PTX4: variants seen among roughly 807,000 people sequenced by gnomAD.
PTX4 encodes pentraxin-4.
A neutral mutation model predicts 19.1 loss-of-function variants in PTX4; 23 were observed. The observed-to-expected ratio is 1.20, with a 90% CI of 0.87 to 1.70. The LOEUF is 1.70. Among genes scored for constraint, PTX4 ranks in the 40% most tolerant of loss-of-function variants. PTX4 has a pLI of 0.00. For missense variants in PTX4, 678 were observed against 610.5 expected, an observed-to-expected ratio of 1.11 and a Z score of -1.17; for synonymous variants, 317 against 279.6, an observed-to-expected ratio of 1.13 and a Z score of -1.33.
intron 1 of PTX4, 176 bp downstream of exon 1, chr16:1,488,593 A>C: frequency 2.5e-6 from 2 of 807,656 alleles, no homozygotes; most frequent in Non-Finnish European, 4.0e-6. Context: ...AGCCCAGCTC[A>C]GCTCTTCCCT....
chr16:1,488,786 G>A lies in PTX4; in HGVS notation c.124C>T (p.Arg42Cys), dbSNP rs754269575. The change falls in exon 1 of 3, where the codon CGT (arginine) becomes TGT (cysteine). Residue 42 changes from arginine (R) to cysteine (C), a missense_variant. Physicochemically the swap from Arg to Cys is radical, Grantham distance 180. Transcript: ENST00000447419. Reference sequence around the variant, plus strand: ...TAACTTGCCTGTTCCTCCAGCCTACGGAGCCTCTCGAAAAACGGTTTCCTG... The same window carrying A: ...TAACTTGCCTGTTCCTCCAGCCTACAGAGCCTCTCGAAAAACGGTTTCCTG... The part of the protein sequence containing the change: ...GPRKPFFERL[R>C]RLEEQFRRFQ... 72 of 701,702 alleles carry A rather than the reference G, an allele frequency of 1.0e-4. No individual in the cohort carries two copies. The highest frequency in any genetic ancestry group is 1.6e-4 in the Non-Finnish European group (60 of 384,170). 43.5% of individuals were successfully genotyped at this position (701,702 alleles called of 1,614,324 possible).
rs765572645 is a variant in PTX4, at chr16:1,488,836, G to A, written c.74C>T (p.Ser25Leu). 64 of 702,560 alleles carry A rather than the reference G, an allele frequency of 9.1e-5. No homozygotes were observed. Among genetic ancestry groups the A allele is most frequent in the South Asian group, 9.0e-4 (61 of 67,578 alleles). The allele number at this position is 702,560 out of a possible 1,614,324, so 43.5% of individuals were successfully genotyped here. A position where few individuals can be genotyped will look rare whatever the true frequency, so the allele number is the denominator to read the frequency against. Residue 25 changes from serine to leucine, a missense_variant, in exon 1 of 3, where the codon TCG becomes TTG. Physicochemically the swap from Ser to Leu is moderately radical, Grantham distance 145 (BLOSUM62 -2). Transcript: ENST00000447419. ...GGGCCCCACTGGGGCGGCTTCCTGC[G>A]ATGAAGCCCCATGTAGATATATAGG... ...FVPIYLHGAS[S>L]QEAAPVGPRK...
At chr16:1,487,253 G>A in intron 2 of PTX4, 63 bp downstream of exon 2, 1 of 1,402,288 alleles carries the variant, frequency 7.1e-7, no homozygotes, top group South Asian at 1.6e-5. Flanking sequence ...TTTTCCAGGG[G>A]GCCTGGTCTA....
At position 1,487,689 on chromosome 16, in the gene PTX4, C is replaced by G; in HGVS notation, c.423G>C (p.Lys141Asn). 6.2e-7 allele frequency: 1 copy of G among 1,610,360 alleles called. No individual in the cohort carries two copies. Among genetic ancestry groups the G allele is most frequent in the South Asian group, 1.1e-5 (1 of 90,830 alleles). ...ERSQQRARER[K>N]AHKAQRDALQ... is the part of the protein sequence containing the mutation. The stretch of plus-strand genomic sequence containing the variant: ...GGGCGTCCCTCTGGGCCTTGTGTGC[C>G]TTCCTTTCCCGGGCCCGCTGCTGGC... The change falls in exon 2 of 3, where the codon AAG becomes AAC. Residue 141 changes from lysine (K) to asparagine (N), a missense_variant. Lys to Asn is a moderately conservative substitution (Grantham distance 94, BLOSUM62 0). Coordinates refer to ENST00000447419, the MANE Select transcript of PTX4 (RefSeq NM_001328608.2).
At position 1,487,858 on chromosome 16, in the gene PTX4, G is replaced by A; in HGVS notation, c.254C>T (p.Ala85Val). ...TGACCGGTTGACTGCCTGAGCCACA[G>A]CCTGGCTCTCTTCCGCCAGGCTCCG... is the stretch of plus-strand genomic sequence containing the variant. ...RFRSLAEESQ[A>V]VAQAVNRSQA... is the part of the protein sequence containing the mutation. Residue 85 changes from alanine (A) to valine (V), a missense_variant, in exon 2 of 3, where the codon GCT (alanine) becomes GTT (valine). By Grantham distance (64) the Ala-to-Val change is moderately conservative. Coordinates refer to ENST00000447419, the MANE Select transcript of PTX4 (RefSeq NM_001328608.2). 6.2e-7 allele frequency: 1 copy of A among 1,613,122 alleles called. No homozygotes were observed. Among genetic ancestry groups the A allele is most frequent in the Non-Finnish European group, 8.5e-7 (1 of 1,179,926 alleles).
rs376970916 is a variant in PTX4, at chr16:1,488,080, C to T, written c.142-110G>A. 40 of 1,186,848 alleles carry T rather than the reference C, an allele frequency of 3.4e-5. No homozygotes were observed. In the East Asian group the frequency reaches 3.8e-4, roughly 11 times the overall value. The allele number at this position is 1,186,848 out of a possible 1,614,324, so 73.5% of individuals were successfully genotyped here. A position where few individuals can be genotyped will look rare whatever the true frequency, so the allele number is the denominator to read the frequency against. ...GAGCAGCGGCCGCGTGCCCGGGCCA[C>T]GGCCAGCACTGGCTATCTGCCCACC... On this transcript the variant is annotated intron_variant, in intron 1 of 2. Transcript: ENST00000447419.
Position 1,485,970 on chromosome 16 carries a change from G to T in PTX4, c.1406C>A (p.Ala469Asp), listed in dbSNP as rs1351592880. The change falls in exon 3 of 3, where the codon GCC becomes GAC. Residue 469 changes from alanine to aspartate, a missense_variant. Coordinates refer to ENST00000447419, the MANE Select transcript of PTX4 (RefSeq NM_001328608.2). ...AALAGGFVQGANCTCLERCP is the reference protein window; with the variant it reads ...AALAGGFVQGDNCTCLERCP ...ACAGCGTTCCAGGCAGGTGCAGTTG[G>T]CCCCCTGCACAAATCCGCCTGCTAG... is the stretch of plus-strand genomic sequence containing the variant. The T allele has an allele frequency of 1.2e-6, 2 of 1,609,746 alleles. No individual in the cohort carries two copies. Among genetic ancestry groups the T allele is most frequent in the Non-Finnish European group, 1.7e-6 (2 of 1,179,298 alleles).
chr16:1,486,733 G>C (rs1360327804), intron 2 of PTX4, among the ~76,000 whole-genome samples, 154 bp from the exon 3 acceptor site: 1 of 152,230 alleles, frequency 6.6e-6, no homozygotes, highest in Non-Finnish European at 1.5e-5. Flanking sequence ...CTCCCCTGCA[G>C]CGTCTCCTTC....
Position 1,486,487 on chromosome 16 carries a change from G to A in PTX4, c.889C>T (p.Leu297=), listed in dbSNP as rs758357888. 8 of 1,611,690 alleles carry A rather than the reference G, an allele frequency of 5.0e-6. No homozygotes were observed. The highest frequency in any genetic ancestry group is 5.9e-6 in the Non-Finnish European group (7 of 1,179,000). Reference sequence around the variant, plus strand: ...GTGCGGACCCAGCTGCAGAAGGACAGGGCTCGCAGGGCAGTGACGAAACCA... The same window carrying A: ...GTGCGGACCCAGCTGCAGAAGGACAAGGCTCGCAGGGCAGTGACGAAACCA... ...SPGFVTALRA[L]SFCSWVRTAS... The change falls in exon 3 of 3, where the codon CTG becomes TTG. Residue 297 remains leucine, a synonymous_variant. Coordinates refer to ENST00000447419, the MANE Select transcript of PTX4 (RefSeq NM_001328608.2).
chr16:1,487,683 G>C lies in PTX4; in HGVS notation c.429C>G (p.His143Gln), dbSNP rs2039259914. The change falls in exon 2 of 3, where the codon CAC (histidine) becomes CAG (glutamine). Residue 143 changes from histidine to glutamine, a missense_variant. Coordinates refer to ENST00000447419, the MANE Select transcript of PTX4 (RefSeq NM_001328608.2). ...CCTGCAGGGCGTCCCTCTGGGCCTT[G>C]TGTGCCTTCCTTTCCCGGGCCCGCT... The part of the protein sequence containing the change: ...SQQRARERKA[H>Q]KAQRDALQDS... 2 of 1,609,556 alleles carry C rather than the reference G, an allele frequency of 1.2e-6. No individual in the cohort carries two copies. The highest frequency in any genetic ancestry group is 2.7e-5 in the African/African-American group (2 of 74,872).
Position 1,487,330 on chromosome 16 carries a change from T to TG in PTX4, c.781dup (p.Gln261ProfsTer62). 1.9e-6 allele frequency: 3 copies of TG among 1,548,974 alleles called. No homozygotes were observed. The highest frequency in any genetic ancestry group is 2.1e-5 in the Admixed American group (1 of 48,084). On this transcript the variant is annotated frameshift_variant, in exon 2 of 3. Coordinates refer to ENST00000447419, the MANE Select transcript of PTX4 (RefSeq NM_001328608.2). LOFTEE classifies it low-confidence loss of function (END_TRUNC). ...GTGGTACTTACTCTCTCCTGGCACC[T>TG]GGGGGGACCATGCCTGCTGCCGAGG...
At chr16:1,487,239 A>C in intron 2 of PTX4, 77 bp downstream of exon 2, 1 of 1,360,590 alleles carries the variant, frequency 7.3e-7, no homozygotes, top group South Asian at 1.7e-5. Context: ...TCTTTTGAGA[A>C]GCCTTTTCCA....
Position 1,486,548 on chromosome 16 carries a change from T to A in PTX4, c.828A>T (p.Pro276=). Residue 276 remains proline (P), a synonymous_variant, in exon 3 of 3, where the codon CCA becomes CCT. Coordinates refer to ENST00000447419, the MANE Select transcript of PTX4 (RefSeq NM_001328608.2). ...ICGVGPTLVF[P]NASTRNVVFL... is the part of the protein sequence containing the mutation. ...AGACCACGTTCCTGGTGGAGGCGTT[T>A]GGGAAAACGAGGGTGGGGCCCACGC... 6.4e-7 allele frequency: 1 copy of A among 1,561,020 alleles called. No individual in the cohort carries two copies. The highest frequency in any genetic ancestry group is 8.7e-7 in the Non-Finnish European group (1 of 1,155,704).
In PTX4 at chr16:1,486,227, C is replaced by T. The variant is rs1379329224; in HGVS notation, c.1149G>A (p.Val383=). ...CCTCCCTGAAGCGGGAGCCGGTGGC[C>T]ACCAGCCTGCGATCCACGTGGAGCC... ...RYWLHVDRRL[V]ATGSRFREGY... is the part of the protein sequence containing the mutation. The change falls in exon 3 of 3, where the codon GTG becomes GTA. Residue 383 remains valine, a synonymous_variant. Coordinates refer to ENST00000447419, the MANE Select transcript of PTX4 (RefSeq NM_001328608.2). 1 of 1,612,388 alleles carries T rather than the reference C, an allele frequency of 6.2e-7. No homozygotes were observed. The highest frequency in any genetic ancestry group is 2.2e-5 in the East Asian group (1 of 44,856).
chr16:1,487,449 G>T lies in PTX4; in HGVS notation c.663C>A (p.Gly221=), dbSNP rs1443465954. 2.0e-6 allele frequency: 3 copies of T among 1,513,222 alleles called. No individual in the cohort carries two copies. In the East Asian group the frequency reaches 7.0e-5, roughly 35 times the overall value. The allele number at this position is 1,513,222 out of a possible 1,614,324, so 93.7% of individuals were successfully genotyped here. ...QELRAASEHR[G]PPQDSSAPLQ... Reference sequence around the variant, plus strand: ...GAGGGGCCGAGGAGTCCTGTGGGGGGCCCCTGTGCTCAGAGGCAGCTCGGA... The same window carrying T: ...GAGGGGCCGAGGAGTCCTGTGGGGGTCCCCTGTGCTCAGAGGCAGCTCGGA... Residue 221 remains glycine, a synonymous_variant, in exon 2 of 3, where the codon GGC becomes GGA. Transcript: ENST00000447419.
rs13332460 is a variant in PTX4, at chr16:1,486,427, C to A, written c.949G>T (p.Ala317Ser). ...AGCTTGTTGTCATTGTCCTCGGTGG[C>A]GTAGGACAGGAGGGTGCCCAGGCGG... is the stretch of plus-strand genomic sequence containing the variant. ...SGRLGTLLSY[A>S]TEDNDNKLVL... Residue 317 changes from alanine to serine, a missense_variant, in exon 3 of 3, where the codon GCC (alanine) becomes TCC (serine). Ala to Ser is a moderately conservative substitution (Grantham distance 99). Coordinates refer to ENST00000447419, the MANE Select transcript of PTX4 (RefSeq NM_001328608.2). 1 of 1,613,962 alleles carries A rather than the reference C, an allele frequency of 6.2e-7. No individual in the cohort carries two copies. Among genetic ancestry groups the A allele is most frequent in the East Asian group, 2.2e-5 (1 of 44,876 alleles).
At chr16:1,488,370 C>A in intron 1 of PTX4, 1 of 1,613,896 alleles carries the variant, frequency 6.2e-7, no homozygotes, top group Admixed American at 1.7e-5. Flanking sequence ...GCCCACAGCA[C>A]TCCGGAACTG....
chr16:1,486,358 A>C lies in PTX4; in HGVS notation c.1018T>G (p.Phe340Val), dbSNP rs780159166. ...RDSLLPGSIH[F>V]VIGDPAFREL... is the part of the protein sequence containing the mutation. ...CTGAAGGCCGGGTCCCCGATCACGA[A>C]GTGGATGGATCCGGGCAGCAGGGAG... The change falls in exon 3 of 3, where the codon TTC (phenylalanine) becomes GTC (valine). Residue 340 changes from phenylalanine to valine, a missense_variant. By Grantham distance (50) the Phe-to-Val change is conservative. Coordinates refer to ENST00000447419, the MANE Select transcript of PTX4 (RefSeq NM_001328608.2). 1.2e-6 allele frequency: 2 copies of C among 1,613,884 alleles called. No homozygotes were observed. Among genetic ancestry groups the C allele is most frequent in the East Asian group, 4.5e-5 (2 of 44,874 alleles).
At chr16:1,487,067 G>C (rs950987006) in intron 2 of PTX4, among the ~76,000 whole-genome samples, 1 of 152,110 alleles carries the variant, frequency 6.6e-6, no homozygotes, top group African/African-American at 2.4e-5. Flanking sequence ...CTTCGGCGTG[G>C]GGCCTCCTCG....
Sources: allele counts gnomAD v4.1 joint callset (sites outside exome capture counted in the v4.1 genomes callset), GRCh38; gene constraint gnomAD v4.1.1; transcripts MANE v1.5; gene names NCBI Gene and HGNC (gene_info 2026-07-23, HGNC 2026-07-21).